AK9: variants seen among roughly 807,000 people sequenced by gnomAD.
The protein encoded by AK9 is adenylate kinase domain containing 1.
In AK9, 191 loss-of-function variants were observed where a neutral mutation model predicts 239.6. The observed-to-expected ratio is 0.80, with a 90% confidence interval of 0.71 to 0.90. The LOEUF (loss-of-function observed/expected upper bound fraction) is 0.90. Ranked by LOEUF, AK9 falls within the 40% of genes least tolerant of loss-of-function variation. AK9 has a pLI of 0.00. For missense variants in AK9, 1,995 were observed against 2,214.7 expected (o/e 0.90, Z 1.99); for synonymous variants, 689 against 721.0 (o/e 0.96, Z 0.71).
intron 7 of AK9, 134 bp downstream of exon 7, chr6:109,659,094 T>G: frequency 8.1e-7 from 1 of 1,227,042 alleles, no homozygotes; most frequent in South Asian, 2.1e-5. Context: ...TTTTTGCTTA[T>G]TTCCTCCAAA....
chr6:109,571,954 T>C (rs968457108), intron 21 of AK9, among the ~76,000 whole-genome samples: 1 of 152,210 alleles, frequency 6.6e-6, no homozygotes, highest in South Asian at 2.1e-4. Context: ...CATTAAAATG[T>C]AGATTCCTAA....
intron 1 of AK9, among the ~76,000 whole-genome samples, chr6:109,683,698 T>C (rs138251245): frequency 0.012 from 1,777 of 152,282 alleles, 23 homozygotes; most frequent in Non-Finnish European, 0.018. Context: ...ACAAGAAATG[T>C]GAAGGACTTC....
intron 5 of AK9, among the ~76,000 whole-genome samples, chr6:109,666,997 C>T (rs910585162): frequency 6.6e-6 from 1 of 152,106 alleles, no homozygotes; most frequent in Non-Finnish European, 1.5e-5. Flanking sequence ...CAGTGAGGAG[C>T]TTTTAGGATG....
At chr6:109,596,301 G>A (rs1236089925) in intron 17 of AK9, among the ~76,000 whole-genome samples, 1 of 152,206 alleles carries the variant, frequency 6.6e-6, no homozygotes, top group Non-Finnish European at 1.5e-5. Flanking sequence ...TCCAATGGCA[G>A]GCACCAGCAC....
chr6:109,632,692 G>C lies in AK9; in HGVS notation c.1254+231C>G, dbSNP rs572858176. 2.8e-6 allele frequency: 3 copies of C among 1,064,558 alleles called. 1 individual carries two copies. The East Asian group carries it at 1.2e-4, about 43-fold the overall frequency. 65.9% of individuals were successfully genotyped at this position (1,064,558 alleles called of 1,614,324 possible). Reference sequence around the variant, plus strand: ...ACGATATTCACATGTGGGAGCTTTTGGGAAGCAGGGAGGGACTCTGGTCTG... The same window carrying C: ...ACGATATTCACATGTGGGAGCTTTTCGGAAGCAGGGAGGGACTCTGGTCTG... On this transcript the variant is annotated intron_variant, in intron 12 of 40. Coordinates refer to ENST00000424296, the MANE Select transcript of AK9 (RefSeq NM_001145128.3).
chr6:109,522,022 A>AT (rs58831917), intron 29 of AK9, among the ~76,000 whole-genome samples: 88,342 of 151,708 alleles, frequency 0.58, 27,407 homozygotes, highest in South Asian at 0.84. Context: ...TTTCCATTTC[A>AT]TTTCTCTCAT....
intron 35 of AK9, among the ~76,000 whole-genome samples, chr6:109,503,256 ACTAT>A (rs1777775555): frequency 6.6e-6 from 1 of 152,074 alleles, no homozygotes; most frequent in South Asian, 2.1e-4. Flanking sequence ...GTATTCTAAT[ACTAT>A]CTATTTCTTG....
chr6:109,606,935 A>C (rs1454284156), intron 17 of AK9, among the ~76,000 whole-genome samples: 1 of 152,208 alleles, frequency 6.6e-6, no homozygotes, highest in Admixed American at 6.6e-5. Context: ...GTTAAACTAT[A>C]ATTCTAAAAA....
intron 32 of AK9, among the ~76,000 whole-genome samples, chr6:109,512,419 C>T (rs914398321): frequency 2.5e-4 from 38 of 152,160 alleles, no homozygotes; most frequent in Admixed American, 6.5e-5. Context: ...CTTCACTTTC[C>T]TAATAAACTT....
intron 25 of AK9, among the ~76,000 whole-genome samples, chr6:109,546,663 C>T (rs1380976171): frequency 6.6e-6 from 1 of 152,168 alleles, no homozygotes; most frequent in African/African-American, 2.4e-5. Flanking sequence ...TAGGTGACAG[C>T]AGCAAGGAGG....
At chr6:109,664,268 A>C (rs544745663) in intron 5 of AK9, among the ~76,000 whole-genome samples, 4 of 152,146 alleles carry the variant, frequency 2.6e-5, no homozygotes, top group African/African-American at 9.7e-5. Context: ...TTGTGCCCCA[A>C]AAGTTTGAGA....
chr6:109,680,300 T>G (rs973253608), intron 1 of AK9, among the ~76,000 whole-genome samples: 6 of 152,030 alleles, frequency 3.9e-5, no homozygotes, highest in Non-Finnish European at 7.4e-5. Flanking sequence ...AAGAACTTCA[T>G]GAAGCATACA....
chr6:109,606,389 A>T (rs1792887043), intron 17 of AK9, among the ~76,000 whole-genome samples: 1 of 152,202 alleles, frequency 6.6e-6, no homozygotes, highest in African/African-American at 2.4e-5. Flanking sequence ...AGTGCCAAGT[A>T]CATGGTGCGA....
At chr6:109,623,964 A>C (rs191758212) in intron 12 of AK9, among the ~76,000 whole-genome samples, 70 of 152,072 alleles carry the variant, frequency 4.6e-4, no homozygotes, top group African/African-American at 1.7e-3. Flanking sequence ...TTTTAAAAAA[A>C]TAATATGCAT....
intron 21 of AK9, among the ~76,000 whole-genome samples, chr6:109,565,796 T>G (rs772162906): frequency 1.1e-4 from 17 of 152,142 alleles, no homozygotes; most frequent in Non-Finnish European, 1.8e-4. Flanking sequence ...TATATACGTA[T>G]GTATATACAC....
At chr6:109,598,735 G>A (rs1482939359) in intron 17 of AK9, among the ~76,000 whole-genome samples, 1 of 152,170 alleles carries the variant, frequency 6.6e-6, no homozygotes, top group Admixed American at 6.6e-5. Context: ...TCCAGCACCT[G>A]TTGTTTCCTG....
chr6:109,676,549 T>C (rs1032509718), intron 1 of AK9, among the ~76,000 whole-genome samples: 1 of 151,910 alleles, frequency 6.6e-6, no homozygotes, highest in African/African-American at 2.4e-5. Context: ...AACAGTAAAA[T>C]AGCATGAGAC....
chr6:109,549,477 C>A (rs9480975), intron 25 of AK9, among the ~76,000 whole-genome samples: 1 of 152,108 alleles, frequency 6.6e-6, no homozygotes, highest in Non-Finnish European at 1.5e-5. Flanking sequence ...GAATGACTGG[C>A]CTCACTATAG....
At chr6:109,524,509 G>C (rs796095447) in intron 29 of AK9, among the ~76,000 whole-genome samples, 4 of 152,210 alleles carry the variant, frequency 2.6e-5, no homozygotes, top group African/African-American at 9.6e-5. Flanking sequence ...TGATATGTAG[G>C]TACACCATAA....
Sources: gnomAD v4.1 joint callset for allele counts (sites outside exome capture counted in the v4.1 genomes callset) on GRCh38, gnomAD v4.1.1 for gene constraint, MANE v1.5 for transcripts, NCBI Gene and HGNC (gene_info 2026-07-23, HGNC 2026-07-21) for gene names.